TMCO5A: variants seen among roughly 807,000 people sequenced by gnomAD.
The protein encoded by TMCO5A is transmembrane and coiled-coil domain-containing protein 5A.
TMCO5A carries 34 observed loss-of-function variants against 42.3 expected under a neutral mutation model. The ratio of observed to expected loss-of-function variants is 0.80; its 90% CI spans 0.61 to 1.07. TMCO5A has a LOEUF of 1.07. Among genes scored for constraint, TMCO5A ranks in the 50% least tolerant of loss-of-function variants. TMCO5A has a pLI of 0.00. For synonymous variants in TMCO5A, 131 were observed against 115.6 expected, an observed-to-expected ratio of 1.13 and a Z score of -0.86; for missense variants, 357 against 327.9, an observed-to-expected ratio of 1.09 and a Z score of -0.69.
At chr15:38,029,564 A>G in the TMCO5A span, among the ~76,000 whole-genome samples, 1 of 152,092 alleles carries the variant, frequency 6.6e-6, no homozygotes, top group Non-Finnish European at 1.5e-5. Flanking sequence ...GGCTCAAGCA[A>G]TTCTCCCACT....
At chr15:38,009,279 A>G in the TMCO5A span, among the ~76,000 whole-genome samples, 3 of 152,348 alleles carry the variant, frequency 2.0e-5, no homozygotes, top group East Asian at 5.8e-4. Context: ...AACTAATTAT[A>G]GAGAAGTGCC....
At chr15:38,035,869 G>T in the TMCO5A span, among the ~76,000 whole-genome samples, 1 of 152,196 alleles carries the variant, frequency 6.6e-6, no homozygotes, top group East Asian at 1.9e-4. Context: ...GCCCTAGAAT[G>T]GTTTGCCCCA....
At chr15:37,986,382 T>G in the TMCO5A span, among the ~76,000 whole-genome samples, 2 of 101,720 alleles carry the variant, frequency 2.0e-5, no homozygotes, top group East Asian at 2.3e-4. Context: ...TAAGGGATGG[T>G]GTGTGTGTGT....
the TMCO5A span, among the ~76,000 whole-genome samples, chr15:38,002,208 G>GTTTT: frequency 2.6e-3 from 375 of 145,226 alleles, no homozygotes; most frequent in African/African-American, 8.8e-3. Context: ...AGGATAAAAG[G>GTTTT]TTTTTTTTTT....
intron 10 of TMCO5A, 179 bp downstream of exon 10, chr15:37,943,577 C>A (rs972830954): frequency 4.5e-5 from 26 of 575,166 alleles, no homozygotes; most frequent in Non-Finnish European, 4.5e-5. Context: ...CTCTAAGGAA[C>A]AATCTACTTT....
Position 37,957,079 on chromosome 15 carries a change from T to A in TMCO5A, c.668+9383T>A, listed in dbSNP as rs1042792804. Among the ~76,000 whole-genome samples, 5 of 152,190 alleles carry A rather than the reference T, an allele frequency of 3.3e-5. No individual in the cohort carries two copies. The East Asian group carries it at 9.7e-4, about 29-fold the overall frequency. On this transcript the variant is annotated intron_variant, in intron 11 of 11. Transcript: ENST00000559502. ...AAACTCTCAATAAACTAGGTATTGA[T>A]GGAACATTTCTCAAAATAATGAGAG...
At chr15:37,987,675 A>G in the TMCO5A span, among the ~76,000 whole-genome samples, 25 of 151,954 alleles carry the variant, frequency 1.6e-4, no homozygotes, top group African/African-American at 6.0e-4. Flanking sequence ...ATTTGACTAT[A>G]TATGTGAGGA....
the TMCO5A span, among the ~76,000 whole-genome samples, chr15:37,979,242 T>C: frequency 2.0e-5 from 3 of 151,570 alleles, no homozygotes; most frequent in South Asian, 6.3e-4. Flanking sequence ...GTGCTGGAGG[T>C]CCTCCTTAGT....
At chr15:37,993,617 G>A in the TMCO5A span, 2 of 152,192 alleles carry the variant, frequency 1.3e-5, no homozygotes, top group Admixed American at 6.5e-5. Context: ...TATCAAAAGA[G>A]TGCTGACCCT....
chr15:38,001,471 T>C, the TMCO5A span, among the ~76,000 whole-genome samples: 1 of 151,402 alleles, frequency 6.6e-6, no homozygotes, highest in African/African-American at 2.4e-5. Context: ...AGCCACTCTA[T>C]GTCTTTTGGT....
downstream of TMCO5A, among the ~76,000 whole-genome samples, chr15:37,955,970 C>G (rs373376756): frequency 2.0e-5 from 3 of 152,258 alleles, no homozygotes. Flanking sequence ...TACACGGAAA[C>G]TAAACAACCT....
At chr15:38,038,667 A>G in the TMCO5A span, among the ~76,000 whole-genome samples, 3 of 152,088 alleles carry the variant, frequency 2.0e-5, no homozygotes, top group Non-Finnish European at 4.4e-5. Context: ...CGGCCTCCCA[A>G]AGTGCTGGGA....
chr15:37,977,875 A>T, the TMCO5A span, among the ~76,000 whole-genome samples: 2 of 152,104 alleles, frequency 1.3e-5, no homozygotes, highest in African/African-American at 2.4e-5. Context: ...GTGTGGGCTT[A>T]ACCTGGGGGC....
At chr15:37,974,449 G>T in the TMCO5A span, among the ~76,000 whole-genome samples, 2 of 152,060 alleles carry the variant, frequency 1.3e-5, no homozygotes, top group Non-Finnish European at 2.9e-5. Flanking sequence ...TTATTGGTTT[G>T]TTCAGGGATT....
chr15:37,936,753 T>C (rs928559240), intron 3 of TMCO5A, 94 bp from the exon 4 acceptor site: 3 of 1,533,330 alleles, frequency 2.0e-6, no homozygotes, highest in African/African-American at 1.4e-5. Flanking sequence ...TCATGTACAC[T>C]GTCCCTGAAG....
At chr15:38,020,446 C>T in the TMCO5A span, 1 of 152,132 alleles carries the variant, frequency 6.6e-6, no homozygotes, top group African/African-American at 2.4e-5. Flanking sequence ...TGTAACTGCA[C>T]ATAGAAGCCA....
chr15:37,968,775 G>T (rs931857551), downstream of TMCO5A, among the ~76,000 whole-genome samples: 6 of 151,700 alleles, frequency 4.0e-5, no homozygotes, highest in Non-Finnish European at 7.4e-5. Flanking sequence ...TAGAGACGGG[G>T]TTTCACCACA....
At chr15:37,954,877 T>C (rs1595603081), downstream of TMCO5A, among the ~76,000 whole-genome samples, 1 of 151,996 alleles carries the variant, frequency 6.6e-6, no homozygotes, top group African/African-American at 2.4e-5. Context: ...AAGTTGTTAT[T>C]AGCTTAAAAT....
chr15:37,978,915 G>T, the TMCO5A span, among the ~76,000 whole-genome samples: 1 of 151,870 alleles, frequency 6.6e-6, no homozygotes, highest in Non-Finnish European at 1.5e-5. Context: ...CATCTTAATG[G>T]CAGGAGCAGG....
Sources: allele counts gnomAD v4.1 joint callset (sites outside exome capture counted in the v4.1 genomes callset), GRCh38; gene constraint gnomAD v4.1.1; transcripts MANE v1.5; gene names NCBI Gene and HGNC (gene_info 2026-07-23, HGNC 2026-07-21).